PLEKHM3: variants seen among roughly 807,000 people sequenced by gnomAD.
The protein encoded by PLEKHM3 is pleckstrin homology domain containing M3, also known as pleckstrin homology domain-containing family M member 3.
PLEKHM3 carries 45 observed loss-of-function variants against 81.8 expected under a neutral mutation model. The observed-to-expected ratio is 0.55, with a 90% CI of 0.43 to 0.71. The LOEUF is 0.71. Among genes scored for constraint, PLEKHM3 ranks in the 30% least tolerant of loss-of-function variants. The pLI is 0.00. For missense variants in PLEKHM3, 788 were observed against 924.3 expected, an observed-to-expected ratio of 0.85 and a Z score of 1.91; for synonymous variants, 352 against 356.4, an observed-to-expected ratio of 0.99 and a Z score of 0.14.
intron 6 of PLEKHM3, among the ~76,000 whole-genome samples, chr2:207,875,637 C>T (rs2092556299): frequency 6.6e-6 from 1 of 152,136 alleles, no homozygotes; most frequent in African/African-American, 2.4e-5. Context: ...CAAAGAGAAA[C>T]ACTGGCCAGA....
chr2:207,939,529 A>G (rs1689866069), intron 4 of PLEKHM3, among the ~76,000 whole-genome samples: 1 of 152,282 alleles, frequency 6.6e-6, no homozygotes. Context: ...AGAGAATTGT[A>G]TTTGTCCTGT....
In PLEKHM3 at chr2:207,930,928, G is replaced by A; in HGVS notation, c.1884C>T (p.Arg628=). Reference sequence around the variant, plus strand: ...CGTCTGAGATTTATGACTCTTACCTGCGGCGGAGATCCTCTGCCACCGCTG... The same window carrying A: ...CGTCTGAGATTTATGACTCTTACCTACGGCGGAGATCCTCTGCCACCGCTG... ...CRAAVAEDLR[R]RIFPREYLLQ... The change falls in exon 5 of 8, where the codon CGC becomes CGT. Residue 628 remains arginine, a splice_region_variant and synonymous_variant. Coordinates refer to ENST00000427836, the MANE Select transcript of PLEKHM3 (RefSeq NM_001080475.3). 2 of 1,612,708 alleles carry A rather than the reference G, an allele frequency of 1.2e-6. No homozygotes were observed. Among genetic ancestry groups the A allele is most frequent in the Non-Finnish European group, 1.7e-6 (2 of 1,179,006 alleles).
intron 5 of PLEKHM3, among the ~76,000 whole-genome samples, chr2:207,917,855 G>A (rs112342432): frequency 6.6e-6 from 1 of 151,982 alleles, no homozygotes; most frequent in Non-Finnish European, 1.5e-5. Flanking sequence ...AAAAAATTCT[G>A]CCCTAAGAGA....
At chr2:207,839,160 G>T (rs979182138) in intron 7 of PLEKHM3, among the ~76,000 whole-genome samples, 1 of 151,912 alleles carries the variant, frequency 6.6e-6, no homozygotes, top group African/African-American at 2.4e-5. Context: ...ACTCTGAATG[G>T]GACTCACTTG....
At chr2:207,908,379 A>G (rs1327404832) in intron 6 of PLEKHM3, 135 bp downstream of exon 6, 5 of 839,212 alleles carry the variant, frequency 6.0e-6, no homozygotes, top group Non-Finnish European at 9.7e-6. Flanking sequence ...TTTTCCCCCC[A>G]TTCTGAAAAA....
Position 207,840,252 on chromosome 2 carries a change from A to G in PLEKHM3, c.2109-11756T>C, listed in dbSNP as rs144214332. On this transcript the variant is annotated intron_variant, in intron 7 of 7. Coordinates refer to ENST00000427836, the MANE Select transcript of PLEKHM3 (RefSeq NM_001080475.3). Reference sequence around the variant, plus strand: ...CCCAGGCTGGAGTGCAAGTGTGATCATAGTTCACTGCAGCCTCAAACTGCT... The same window carrying G: ...CCCAGGCTGGAGTGCAAGTGTGATCGTAGTTCACTGCAGCCTCAAACTGCT... 5.6e-3 allele frequency among the ~76,000 whole-genome samples: 849 copies of G among 152,092 alleles called. 12 individuals carry two copies. Among genetic ancestry groups the G allele is most frequent in the African/African-American group, 0.019 (803 of 41,460 alleles).
At chr2:207,913,901 A>G (rs1243216126) in intron 5 of PLEKHM3, among the ~76,000 whole-genome samples, 1 of 151,688 alleles carries the variant, frequency 6.6e-6, no homozygotes, top group East Asian at 1.9e-4. Flanking sequence ...TCAAATACAC[A>G]CATTTGCACA....
At chr2:207,833,260 T>C (rs989463011) in intron 7 of PLEKHM3, among the ~76,000 whole-genome samples, 5 of 152,226 alleles carry the variant, frequency 3.3e-5, no homozygotes. Flanking sequence ...TCATCTCTGC[T>C]GAAAATTGCA....
Position 207,931,043 on chromosome 2 carries a change from A to C in PLEKHM3, c.1769T>G (p.Met590Arg). The C allele has an allele frequency of 1.2e-6, 2 of 1,614,082 alleles. No homozygotes were observed. The highest frequency in any genetic ancestry group is 1.7e-6 in the Non-Finnish European group (2 of 1,179,952). Residue 590 changes from methionine to arginine, a missense_variant, in exon 5 of 8, where the codon ATG (methionine) becomes AGG (arginine). Met to Arg is a moderately conservative substitution (Grantham distance 91). Transcript: ENST00000427836. ...PLIDIQQENA[M>R]LYHHAEPLAA... Reference sequence around the variant, plus strand: ...CAGCGGCTCTGCGTGGTGGTACAGCATGGCGTTCTCCTGCTGGATGTCGAT... The same window carrying C: ...CAGCGGCTCTGCGTGGTGGTACAGCCTGGCGTTCTCCTGCTGGATGTCGAT...
intron 6 of PLEKHM3, among the ~76,000 whole-genome samples, chr2:207,896,353 T>A (rs1215306315): frequency 7.1e-6 from 1 of 140,298 alleles, no homozygotes; most frequent in Non-Finnish European, 1.6e-5. Flanking sequence ...CTGTACTGTA[T>A]GAAATTGTCA....
At chr2:207,851,204 C>T (rs1486770131) in intron 7 of PLEKHM3, 1 of 146,204 alleles carries the variant, frequency 6.8e-6, no homozygotes, top group African/African-American at 2.5e-5. Flanking sequence ...TATTCTCAAT[C>T]AAGGAGGGCA....
chr2:207,991,266 C>T (rs1430150767), intron 2 of PLEKHM3, among the ~76,000 whole-genome samples: 1 of 152,182 alleles, frequency 6.6e-6, no homozygotes, highest in African/African-American at 2.4e-5. Context: ...CATACTTAGG[C>T]TGCTGGATTT....
intron 3 of PLEKHM3, among the ~76,000 whole-genome samples, chr2:207,971,261 A>G (rs903604270): frequency 6.6e-6 from 1 of 152,252 alleles, no homozygotes; most frequent in Non-Finnish European, 1.5e-5. Flanking sequence ...CAAGAAAACT[A>G]TGTATCTATT....
chr2:207,929,832 C>A, intron 5 of PLEKHM3: 4 of 649,936 alleles, frequency 6.2e-6, no homozygotes, highest in Non-Finnish European at 8.3e-6. Flanking sequence ...TTCTTTGGAT[C>A]TAATTGGATC....
chr2:207,953,954 G>A (rs1358735684), intron 3 of PLEKHM3, among the ~76,000 whole-genome samples: 1 of 152,190 alleles, frequency 6.6e-6, no homozygotes, highest in Non-Finnish European at 1.5e-5. Context: ...TACTGCTATA[G>A]CTAGGACAGC....
chr2:207,907,769 C>T (rs1019322770), intron 6 of PLEKHM3, among the ~76,000 whole-genome samples: 16 of 152,292 alleles, frequency 1.1e-4, no homozygotes, highest in African/African-American at 3.8e-4. Flanking sequence ...GTATAACCAT[C>T]ACTGCTGTTT....
chr2:207,846,994 G>A (rs1409465042), intron 7 of PLEKHM3, among the ~76,000 whole-genome samples: 3 of 152,032 alleles, frequency 2.0e-5, no homozygotes, highest in East Asian at 1.9e-4. Context: ...TGAGTTAAAC[G>A]ATGAACAATT....
chr2:208,005,084 C>A (rs1692455762), intron 1 of PLEKHM3, among the ~76,000 whole-genome samples: 1 of 152,100 alleles, frequency 6.6e-6, no homozygotes, highest in South Asian at 2.1e-4. Flanking sequence ...CTTGGCCTCC[C>A]AAAGTGCTAG....
chr2:207,931,832 G>C lies in PLEKHM3; in HGVS notation c.1693-713C>G, dbSNP rs1027137421. Among the ~76,000 whole-genome samples, 8 of 152,314 alleles carry C rather than the reference G, an allele frequency of 5.3e-5. No homozygotes were observed. The East Asian group carries it at 1.5e-3, about 29-fold the overall frequency. Reference sequence around the variant, plus strand: ...TACTAAAAATACAGAAATTAGCCAGGCGTGGTGGCACATGCCTGTAATCCC... The same window carrying C: ...TACTAAAAATACAGAAATTAGCCAGCCGTGGTGGCACATGCCTGTAATCCC... On this transcript the variant is annotated intron_variant, in intron 4 of 7. Transcript: ENST00000427836.
Sources: allele counts gnomAD v4.1 joint callset (sites outside exome capture counted in the v4.1 genomes callset), GRCh38; gene constraint gnomAD v4.1.1; transcripts MANE v1.5; gene names NCBI Gene and HGNC (gene_info 2026-07-23, HGNC 2026-07-21).